SMG7: variants seen among roughly 807,000 people sequenced by gnomAD.
SMG7 encodes the protein SMG7 nonsense mediated mRNA decay factor, also known as nonsense-mediated mRNA decay factor SMG7.
SMG7 carries 34 observed loss-of-function variants against 148.2 expected under a neutral mutation model. The observed-to-expected ratio is 0.23, with a 90% CI of 0.17 to 0.31. SMG7 has a LOEUF of 0.31. SMG7 is among the 10% of genes least tolerant of loss of function. The pLI is 1.00. For synonymous variants in SMG7, 492 were observed against 515.1 expected, an observed-to-expected ratio of 0.96 and a Z score of 0.61; for missense variants, 1,114 against 1,408.4, an observed-to-expected ratio of 0.79 and a Z score of 3.35.
At chr1:183,538,941 C>G (rs111387733) in intron 12 of SMG7, among the ~76,000 whole-genome samples, 3 of 151,726 alleles carry the variant, frequency 2.0e-5, no homozygotes, top group Admixed American at 6.6e-5. Context: ...GTCAGGAGAT[C>G]GAGACCATCC....
chr1:183,529,569 T>TC, intron 8 of SMG7, 36 bp downstream of exon 8: 1 of 1,575,140 alleles, frequency 6.3e-7, no homozygotes, highest in East Asian at 2.3e-5. Flanking sequence ...TTGTCTTGTC[T>TC]AAATCAGGAA....
At chr1:183,545,883 A>G (rs2102777759) in intron 16 of SMG7, 83 bp from the exon 17 acceptor site, 1 of 1,477,684 alleles carries the variant, frequency 6.8e-7, no homozygotes, top group Non-Finnish European at 9.1e-7. Context: ...AAACACCCCA[A>G]GTTCATTCTG....
intron 8 of SMG7, among the ~76,000 whole-genome samples, chr1:183,532,749 T>A (rs1246015003): frequency 6.6e-6 from 1 of 152,192 alleles, no homozygotes; most frequent in Non-Finnish European, 1.5e-5. Flanking sequence ...GTTCAAAAAA[T>A]TATTTTTTGA....
chr1:183,488,646 AAG>A (rs1656108738), intron 1 of SMG7, among the ~76,000 whole-genome samples: 1 of 151,536 alleles, frequency 6.6e-6, no homozygotes, highest in South Asian at 2.1e-4. Flanking sequence ...TTTACTGTAC[AAG>A]AGTCAATCCA....
chr1:183,522,651 T>A (rs1184111873), intron 4 of SMG7, among the ~76,000 whole-genome samples: 1 of 152,216 alleles, frequency 6.6e-6, no homozygotes, highest in Non-Finnish European at 1.5e-5. Flanking sequence ...TAATTTATGG[T>A]GTCTTTGTAT....
chr1:183,516,603 G>A (rs1239623641), intron 3 of SMG7, among the ~76,000 whole-genome samples: 2 of 152,166 alleles, frequency 1.3e-5, no homozygotes, highest in Non-Finnish European at 2.9e-5. Flanking sequence ...TTGGAACAGG[G>A]ACATTAGCCT....
intron 2 of SMG7, chr1:183,513,213 C>A: frequency 5.2e-6 from 1 of 193,406 alleles, no homozygotes; most frequent in Non-Finnish European, 1.0e-5. Context: ...CAGTGTTAGG[C>A]TAATATCTTT....
chr1:183,512,022 A>G (rs895693481), intron 1 of SMG7, among the ~76,000 whole-genome samples: 3 of 152,134 alleles, frequency 2.0e-5, no homozygotes, highest in African/African-American at 7.2e-5. Context: ...TCAGTTTTGG[A>G]CCTCTTGAAC....
intron 1 of SMG7, among the ~76,000 whole-genome samples, chr1:183,490,274 CAGGG>C (rs1656624203): frequency 6.6e-6 from 1 of 152,088 alleles, no homozygotes; most frequent in African/African-American, 2.4e-5. Context: ...AGTTCAAAGA[CAGGG>C]AGAAAGATGG....
chr1:183,535,593 A>G (rs1172763934), intron 10 of SMG7, among the ~76,000 whole-genome samples: 1 of 152,176 alleles, frequency 6.6e-6, no homozygotes, highest in African/African-American at 2.4e-5. Flanking sequence ...TTCTTTTGTG[A>G]ACTCAGAATT....
intron 15 of SMG7, 113 bp downstream of exon 15, chr1:183,544,610 C>G (rs993199248): frequency 1.0e-5 from 11 of 1,102,572 alleles, no homozygotes; most frequent in Non-Finnish European, 6.5e-6. Flanking sequence ...ATAAAAAGTT[C>G]TATTTTCCCT....
rs911580477 is a variant in SMG7, at chr1:183,552,495, T to C, written c.*564T>C. ...CAAGGAAAGCCCCGTTCACTGCTCC[T>C]GTGAGAGGTTGGTGGTGACAGGATG... is the stretch of plus-strand genomic sequence containing the variant. On this transcript the variant is annotated 3_prime_UTR_variant, in exon 23 of 23. Transcript: ENST00000688051. 3 of 997,424 alleles carry C rather than the reference T, an allele frequency of 3.0e-6. No homozygotes were observed. Among genetic ancestry groups the C allele is most frequent in the Admixed American group, 1.1e-4 (2 of 18,188 alleles). The allele number at this position is 997,424 out of a possible 1,614,324, so 61.8% of individuals were successfully genotyped here. A position where few individuals can be genotyped will look rare whatever the true frequency, so the allele number is the denominator to read the frequency against.
intron 1 of SMG7, 40 bp downstream of exon 1, chr1:183,472,689 C>T: frequency 2.1e-6 from 3 of 1,450,874 alleles, no homozygotes; most frequent in African/African-American, 1.4e-5. Flanking sequence ...GGGGAGCGGG[C>T]CGCAGGTTGG....
chr1:183,549,963 G>T (rs777271553), intron 20 of SMG7, 40 bp downstream of exon 20: 1 of 1,430,480 alleles, frequency 7.0e-7, no homozygotes, highest in East Asian at 2.3e-5. Flanking sequence ...TACATTTCCT[G>T]TACACTCAGA....
chr1:183,509,661 G>A (rs992863530), intron 1 of SMG7, among the ~76,000 whole-genome samples: 6 of 152,080 alleles, frequency 3.9e-5, no homozygotes, highest in African/African-American at 1.4e-4. Flanking sequence ...ATTAACTTGT[G>A]CTTCTTTCAG....
At position 183,544,956 on chromosome 1, in the gene SMG7, C is replaced by T. The variant is rs1669650170; in HGVS notation, c.2014C>T (p.Pro672Ser). ...PGFPPPTYVI[P>S]PPVAFSMGSG... ...GTTTCCGCCCCCAACATATGTTATC[C>T]CCCCGCCTGTGGCATTTTCTATGGG... Residue 672 changes from proline (P) to serine (S), a missense_variant, in exon 16 of 23, where the codon CCC becomes TCC. Coordinates refer to ENST00000688051, the MANE Select transcript of SMG7 (RefSeq NM_001375584.1). 1 of 1,613,596 alleles carries T rather than the reference C, an allele frequency of 6.2e-7. No homozygotes were observed. The highest frequency in any genetic ancestry group is 8.5e-7 in the Non-Finnish European group (1 of 1,179,784).
intron 15 of SMG7, among the ~76,000 whole-genome samples, 166 bp from the exon 16 acceptor site, chr1:183,544,764 A>G (rs1230590833): frequency 6.6e-6 from 1 of 152,198 alleles, no homozygotes; most frequent in Non-Finnish European, 1.5e-5. Flanking sequence ...AAAAATATCA[A>G]GTCTATTTTT....
intron 15 of SMG7, 68 bp from the exon 16 acceptor site, chr1:183,544,862 A>G (rs1669626978): frequency 6.5e-7 from 1 of 1,538,522 alleles, no homozygotes; most frequent in Admixed American, 2.0e-5. Context: ...CTGTTAAAAA[A>G]AAAATGACTT....
At position 183,528,020 on chromosome 1, in the gene SMG7, C is replaced by T. The variant is rs1466535189; in HGVS notation, c.549C>T (p.Pro183=). The T allele has an allele frequency of 6.2e-7, 1 of 1,612,210 alleles. No individual in the cohort carries two copies. Among genetic ancestry groups the T allele is most frequent in the East Asian group, 2.2e-5 (1 of 44,798 alleles). ...SYYRHAAQLV[P]SNGQPYNQLA... ...ATAGGCATGCAGCTCAGCTTGTCCC[C>T]TCCAATGGTGAGTGGACCTGTCAAC... The change falls in exon 6 of 23, where the codon CCC becomes CCT. Residue 183 remains proline, a synonymous_variant. Coordinates refer to ENST00000688051, the MANE Select transcript of SMG7 (RefSeq NM_001375584.1).
Sources: gnomAD v4.1 joint callset for allele counts (sites outside exome capture counted in the v4.1 genomes callset) on GRCh38, gnomAD v4.1.1 for gene constraint, MANE v1.5 for transcripts, NCBI Gene and HGNC (gene_info 2026-07-23, HGNC 2026-07-21) for gene names.